Variants in USP34 observed in about 807,000 individuals in gnomAD.
USP34 encodes the protein ubiquitin carboxyl-terminal hydrolase 34.
A neutral mutation model predicts 460.3 loss-of-function variants in USP34; 70 were observed. That is an observed-to-expected ratio of 0.15 (90% CI 0.13 to 0.19). The LOEUF (loss-of-function observed/expected upper bound fraction) is 0.19. Ranked by LOEUF, USP34 falls within the 10% of genes least tolerant of loss-of-function variation. USP34 has a pLI of 1.00. For synonymous variants in USP34, 1,647 were observed against 1,405.3 expected (o/e 1.17, Z -3.85); for missense variants, 3,985 against 4,236.2 (o/e 0.94, Z 1.65).
intron 8 of USP34, among the ~76,000 whole-genome samples, chr2:61,372,743 T>G (rs1692666959): frequency 6.6e-6 from 1 of 152,184 alleles, no homozygotes; most frequent in African/African-American, 2.4e-5. Context: ...GGGACTTTCG[T>G]AATAATGATG....
chr2:61,302,561 C>G (rs1690262662), intron 27 of USP34, among the ~76,000 whole-genome samples: 2 of 152,138 alleles, frequency 1.3e-5, no homozygotes, highest in Non-Finnish European at 2.9e-5. Context: ...CTATTTTCTT[C>G]TAAATTTTCC....
At chr2:61,430,943 C>T (rs549813990) in intron 1 of USP34, among the ~76,000 whole-genome samples, 11 of 151,928 alleles carry the variant, frequency 7.2e-5, no homozygotes, top group African/African-American at 1.2e-4. Flanking sequence ...GTTTGAGGCT[C>T]ATAGTGAGCT....
chr2:61,467,541 C>G (rs911381462), intron 1 of USP34, among the ~76,000 whole-genome samples: 1 of 151,520 alleles, frequency 6.6e-6, no homozygotes, highest in Non-Finnish European at 1.5e-5. Flanking sequence ...TATTGCTTCT[C>G]TCAGCTGGCT....
rs376391344 is a variant in USP34 at position 61,348,343 on chromosome 2, G to T, written c.1812C>A (p.Ser604Arg). 6.2e-7 allele frequency: 1 copy of T among 1,614,054 alleles called. No individual in the cohort carries two copies. The highest frequency in any genetic ancestry group is 1.1e-5 in the South Asian group (1 of 91,080). ...CTTCTGACTGTACCTCACTGCCAGGGCTCCCAGCTGACTGGCTTGCGTGGC... is the reference window on the plus strand; with the variant it reads ...CTTCTGACTGTACCTCACTGCCAGGTCTCCCAGCTGACTGGCTTGCGTGGC... ...NSSHASQSAG[S>R]PGSEVQSEDI... is the part of the protein sequence containing the mutation. The change falls in exon 15 of 80, where the codon AGC becomes AGA. Residue 604 changes from serine to arginine, a missense_variant. Ser to Arg is a moderately radical substitution (Grantham distance 110). This residue lies in a region of USP34 where 716 missense variants were observed against 626.2 expected (regional missense o/e 1.14). Coordinates refer to ENST00000398571, the MANE Select transcript of USP34 (RefSeq NM_014709.4).
At chr2:61,324,754 G>C (rs903351672) in intron 21 of USP34, among the ~76,000 whole-genome samples, 3 of 152,090 alleles carry the variant, frequency 2.0e-5, no homozygotes, top group Non-Finnish European at 4.4e-5. Context: ...CTGGGAGACA[G>C]TGTGAGACCA....
intron 5 of USP34, among the ~76,000 whole-genome samples, chr2:61,384,627 C>G (rs1036634746): frequency 1.3e-5 from 2 of 151,974 alleles, no homozygotes; most frequent in South Asian, 2.1e-4. Flanking sequence ...GAGCCAGGAT[C>G]GCGTCACTGT....
chr2:61,212,074 T>A, intron 68 of USP34, 145 bp from the exon 69 acceptor site: 1 of 1,143,354 alleles, frequency 8.7e-7, no homozygotes, highest in Non-Finnish European at 1.2e-6. Flanking sequence ...ATAAAATCAG[T>A]AACAAATTCT....
At chr2:61,468,792 T>C (rs1366037621) in intron 1 of USP34, among the ~76,000 whole-genome samples, 1 of 152,352 alleles carries the variant, frequency 6.6e-6, no homozygotes, top group East Asian at 1.9e-4. Context: ...ACCAAAGTTC[T>C]AGGGGTTTCC....
chr2:61,379,530 C>T (rs539579032), intron 7 of USP34, among the ~76,000 whole-genome samples: 6 of 151,940 alleles, frequency 3.9e-5, no homozygotes, highest in Non-Finnish European at 7.4e-5. Context: ...AAAAACAAAA[C>T]AAAACAAAAC....
rs951476906 is a variant in USP34, at chr2:61,281,122, G to C, written c.5119C>G (p.Leu1707Val). 11 of 1,613,748 alleles carry C rather than the reference G, an allele frequency of 6.8e-6. No homozygotes were observed. The highest frequency in any genetic ancestry group is 8.5e-6 in the Non-Finnish European group (10 of 1,179,846). The change falls in exon 38 of 80, where the codon CTT becomes GTT. Residue 1707 changes from leucine to valine, a missense_variant. Leu to Val is a conservative substitution (Grantham distance 32). This residue lies in a region of USP34 where 1,114 missense variants were observed against 1,122.5 expected (regional missense o/e 0.99). Transcript: ENST00000398571. ...GGTTTGAGTGCTTGAGCATCAGGAA[G>C]AAATTTCAATAATGTTGAGGCAGCC... Reference protein sequence around the residue: ...LLAASTLLKFLPDAQALKPIR... With the variant: ...LLAASTLLKFVPDAQALKPIR...
intron 16 of USP34, among the ~76,000 whole-genome samples, chr2:61,341,836 C>T (rs2103759808): frequency 6.9e-6 from 1 of 145,156 alleles, no homozygotes; most frequent in South Asian, 2.3e-4. Flanking sequence ...TCTTGGCTCA[C>T]TGCAACCTCC....
At chr2:61,262,969 G>A (rs1376582898) in intron 43 of USP34, among the ~76,000 whole-genome samples, 2 of 151,586 alleles carry the variant, frequency 1.3e-5, no homozygotes, top group Admixed American at 6.6e-5. Flanking sequence ...CTTATTGGCC[G>A]CATGTATGTC....
intron 1 of USP34, among the ~76,000 whole-genome samples, chr2:61,456,086 CA>C (rs1367785056): frequency 6.6e-6 from 1 of 152,148 alleles, no homozygotes; most frequent in East Asian, 1.9e-4. Flanking sequence ...ATGCTTTACA[CA>C]AGTGTTTATG....
chr2:61,346,499 C>T (rs1282717136), intron 15 of USP34, among the ~76,000 whole-genome samples: 2 of 141,102 alleles, frequency 1.4e-5, no homozygotes, highest in African/African-American at 5.3e-5. Context: ...GCACTACAGC[C>T]TAGGTGACAA....
At chr2:61,252,495 AT>A (rs1481426063) in intron 48 of USP34, among the ~76,000 whole-genome samples, 2 of 152,248 alleles carry the variant, frequency 1.3e-5, no homozygotes, top group Non-Finnish European at 2.9e-5. Flanking sequence ...AGACAAAAAT[AT>A]ACAAACTCTG....
At chr2:61,303,019 C>T (rs561009060) in intron 27 of USP34, among the ~76,000 whole-genome samples, 98 of 152,194 alleles carry the variant, frequency 6.4e-4, no homozygotes, top group African/African-American at 1.1e-3. Context: ...CAGATGTTCG[C>T]TTATCTCCAA....
At chr2:61,299,667 C>G (rs1396488456) in intron 29 of USP34, among the ~76,000 whole-genome samples, 2 of 141,182 alleles carry the variant, frequency 1.4e-5, no homozygotes, top group Non-Finnish European at 3.1e-5. Flanking sequence ...AGCAGGATCA[C>G]TTGAACCTGA....
chr2:61,227,192 T>G lies in USP34; in HGVS notation c.7470A>C (p.Glu2490Asp), dbSNP rs749524277. 6.2e-7 allele frequency: 1 copy of G among 1,613,216 alleles called. No individual in the cohort carries two copies. The highest frequency in any genetic ancestry group is 8.5e-7 in the Non-Finnish European group (1 of 1,179,562). Residue 2490 changes from glutamate (E) to aspartate (D), a missense_variant, in exon 62 of 80, where the codon GAA (glutamate) becomes GAC (aspartate). Physicochemically the swap from Glu to Asp is conservative, Grantham distance 45 (BLOSUM62 2). Coordinates refer to ENST00000398571, the MANE Select transcript of USP34 (RefSeq NM_014709.4). ...ENPQVEVLSEEEGEEEEEEED... is the reference protein window; with the variant it reads ...ENPQVEVLSEDEGEEEEEEED... ...CTTCCTCCTCTTCTTCTTCCCCTTC[T>G]TCCTCTGATAACACTTCAACTTGAG...
At chr2:61,439,396 AC>A (rs1694903418) in intron 1 of USP34, among the ~76,000 whole-genome samples, 1 of 151,886 alleles carries the variant, frequency 6.6e-6, no homozygotes, top group African/African-American at 2.4e-5. Context: ...GGCTCCCTCC[AC>A]GAGGATCTGC....
Sources: allele counts gnomAD v4.1 joint callset (sites outside exome capture counted in the v4.1 genomes callset), GRCh38; gene constraint gnomAD v4.1.1; regional missense constraint gnomAD v4.1.1; transcripts MANE v1.5; gene names NCBI Gene and HGNC (gene_info 2026-07-23, HGNC 2026-07-21).